Variants in KANK2 observed in about 807,000 individuals in gnomAD.
KANK2 encodes KN motif and ankyrin repeat domain-containing protein 2.
Under a neutral mutation model 74.6 loss-of-function variants are expected in KANK2, and 41 were observed. That is an observed-to-expected ratio of 0.55 (90% CI 0.43 to 0.71). The LOEUF (loss-of-function observed/expected upper bound fraction) is 0.71. Ranked by LOEUF, KANK2 falls within the 30% of genes least tolerant of loss-of-function variation. The pLI, the probability that KANK2 is intolerant of heterozygous loss-of-function variation, is 0.00. For synonymous variants in KANK2, 537 were observed against 519.0 expected (o/e 1.03, Z -0.47); for missense variants, 1,148 against 1,196.4 (o/e 0.96, Z 0.60).
intron 6 of KANK2, 88 bp from the exon 7 acceptor site, chr19:11,176,905 TC>T: frequency 1.4e-6 from 2 of 1,418,408 alleles, no homozygotes; most frequent in Non-Finnish European, 1.9e-6. Flanking sequence ...TGATCTGACC[TC>T]TGTGGGCCTC....
chr19:11,165,580 T>C lies in KANK2; in HGVS notation c.*978A>G, dbSNP rs11668313. The C allele has an allele frequency of 0.48, 72,107 of 151,536 alleles. 18,196 individuals carry two copies. The highest frequency in any genetic ancestry group is 0.63 in the African/African-American group (25,916 of 41,274). The allele number at this position is 151,536 out of a possible 1,614,324, so 9.4% of individuals were successfully genotyped here. ...TTCTGGGTAATTTGTCTCTTTTTCT[T>C]TTCTTTCTTGAGACAGGGTCTCGCT... On this transcript the variant is annotated 3_prime_UTR_variant, in exon 13 of 13. Transcript: ENST00000586659.
intron 3 of KANK2, 103 bp downstream of exon 3, chr19:11,194,372 C>T (rs1286970164): frequency 3.3e-6 from 3 of 905,980 alleles, no homozygotes; most frequent in South Asian, 2.8e-5. Context: ...AATTGTTGGG[C>T]TGTGTCCCAC....
At chr19:11,192,724 C>T (rs755890294) in intron 4 of KANK2, 107 bp downstream of exon 4, 54 of 1,404,384 alleles carry the variant, frequency 3.8e-5, no homozygotes, top group Admixed American at 5.3e-5. Context: ...CATGCGCCAC[C>T]GCACCCTGCC....
chr19:11,170,069 A>G lies in KANK2; in HGVS notation c.2391T>C (p.Cys797=). 1 of 1,613,664 alleles carries G rather than the reference A, an allele frequency of 6.2e-7. No homozygotes were observed. The highest frequency in any genetic ancestry group is 8.5e-7 in the Non-Finnish European group (1 of 1,179,744). Residue 797 remains cysteine (C), a synonymous_variant, in exon 11 of 13, where the codon TGT becomes TGC. Transcript: ENST00000586659. The surrounding 1 kb of genome is among the most constrained non-coding windows in gnomAD (Gnocchi z 5.2). ...TCACGCGATCTGTGAGTGAGATGTC[A>G]CAGCTGGGCACGGCCAGCAGCAGCC... The part of the protein sequence containing the change: ...IAGLLLAVPS[C]DISLTDRDGS...
rs1040690612 is a variant in KANK2, at chr19:11,172,925, G to A, written c.2211+56C>T. On this transcript the variant is annotated intron_variant, in intron 10 of 12. Transcript: ENST00000586659. ...TGGGTTTGGGCCTGTCACTCAGCTG[G>A]GATGTCATAAAGTAGGAAGAGCCAC... 4.0e-5 allele frequency: 64 copies of A among 1,581,904 alleles called. 1 individual carries two copies. In the South Asian group the frequency reaches 5.2e-4, roughly 13 times the overall value.
Position 11,194,043 on chromosome 19 carries a change from C to T in KANK2, c.38-1G>A. The T allele has an allele frequency of 1.3e-6, 2 of 1,599,552 alleles. No individual in the cohort carries two copies. The highest frequency in any genetic ancestry group is 1.7e-6 in the Non-Finnish European group (2 of 1,172,160). ...GGTGGGGAGGCTGGGCCAGGGGTCC[C>T]TGGGGATGGGAGAAACACCAGGACC... On this transcript the variant is annotated splice_acceptor_variant, in intron 3 of 12. Transcript: ENST00000586659. LOFTEE classifies it high-confidence loss of function.
In KANK2 at chr19:11,194,607, A is replaced by C; in HGVS notation, c.-79-17T>G. ...GAGGCTTACCTGGGGAAAGAGAACC[A>C]CGGCGCCGGGAGTTAGGAGTCTGTA... On this transcript the variant is annotated splice_polypyrimidine_tract_variant and intron_variant, in intron 2 of 12. Transcript: ENST00000586659. The C allele has an allele frequency of 2.0e-6, 2 of 989,108 alleles. No individual in the cohort carries two copies. The highest frequency in any genetic ancestry group is 2.4e-5 in the East Asian group (1 of 40,846). The allele number at this position is 989,108 out of a possible 1,614,324, so 61.3% of individuals were successfully genotyped here.
chr19:11,167,239 G>A (rs910054673), intron 12 of KANK2, among the ~76,000 whole-genome samples: 4 of 151,608 alleles, frequency 2.6e-5, no homozygotes, highest in East Asian at 2.0e-4. Context: ...CTAATTTTGC[G>A]TTTTTAGTAG....
At chr19:11,180,116 T>C (rs1163153470) in intron 4 of KANK2, among the ~76,000 whole-genome samples, 2 of 152,200 alleles carry the variant, frequency 1.3e-5, no homozygotes, top group East Asian at 3.9e-4. Flanking sequence ...CCTTCCAAAG[T>C]GCTGGGATTA....
chr19:11,194,220 C>CGGCGCTA lies in KANK2; in HGVS notation c.38-185_38-179dup, dbSNP rs2078950523. Among the ~76,000 whole-genome samples the CGGCGCTA allele has an allele frequency of 2.0e-5, 3 of 152,044 alleles. No individual in the cohort carries two copies. The South Asian group carries it at 6.2e-4, about 31-fold the overall frequency. On this transcript the variant is annotated intron_variant, in intron 3 of 12. Transcript: ENST00000586659. ...GGGCTATGCCTCCCCTTCAGACTCC[C>CGGCGCTA]GGCGCTAGGCTATGTCGCCTCTCAA...
chr19:11,166,486 A>C lies in KANK2; in HGVS notation c.*72T>G. Reference sequence around the variant, plus strand: ...TGTGAGTGGGGTGGGCCAGGGAGGAACGGGAACAGGGAGGAGACGGGGACA... The same window carrying C: ...TGTGAGTGGGGTGGGCCAGGGAGGACCGGGAACAGGGAGGAGACGGGGACA... On this transcript the variant is annotated 3_prime_UTR_variant, in exon 13 of 13. Transcript: ENST00000586659. 1 of 1,410,458 alleles carries C rather than the reference A, an allele frequency of 7.1e-7. No homozygotes were observed. The allele number at this position is 1,410,458 out of a possible 1,614,324, so 87.4% of individuals were successfully genotyped here.
rs1423559071 is a variant in KANK2 at position 11,164,580 on chromosome 19, G to C, written c.*1978C>G. ...CTCCAGGGCTGGACACACAGGCACAGAACTCTTGTACCGCTTCTCAAAGCT... is the reference window on the plus strand; with the variant it reads ...CTCCAGGGCTGGACACACAGGCACACAACTCTTGTACCGCTTCTCAAAGCT... On this transcript the variant is annotated 3_prime_UTR_variant, in exon 13 of 13. Coordinates refer to ENST00000586659, the MANE Select transcript of KANK2 (RefSeq NM_001136191.3). 6.6e-6 allele frequency: 1 copy of C among 152,142 alleles called. No homozygotes were observed. Among genetic ancestry groups the C allele is most frequent in the African/African-American group, 2.4e-5 (1 of 41,412 alleles). The allele number at this position is 152,142 out of a possible 1,614,324, so 9.4% of individuals were successfully genotyped here. A position where few individuals can be genotyped will look rare whatever the true frequency, so the allele number is the denominator to read the frequency against.
chr19:11,166,644 G>T, intron 12 of KANK2, 33 bp from the exon 13 acceptor site: 1 of 1,610,746 alleles, frequency 6.2e-7, no homozygotes, highest in South Asian at 1.1e-5. Context: ...TTTTTGTTTG[G>T]GATCCTTTCC....
At chr19:11,167,453 A>G (rs2078053427) in intron 12 of KANK2, among the ~76,000 whole-genome samples, 1 of 151,532 alleles carries the variant, frequency 6.6e-6, no homozygotes, top group East Asian at 1.9e-4. Context: ...AGCCTTGACT[A>G]TCTGGGCTCA....
chr19:11,194,420 G>A (rs1004214157), intron 3 of KANK2, 55 bp downstream of exon 3: 41 of 1,441,200 alleles, frequency 2.8e-5, no homozygotes, highest in Non-Finnish European at 3.9e-5. Flanking sequence ...AGCCCCCTCA[G>A]GCCTCCAGAA....
rs1468434386 is a variant in KANK2, at chr19:11,164,704, A to G, written c.*1854T>C. On this transcript the variant is annotated 3_prime_UTR_variant, in exon 13 of 13. Coordinates refer to ENST00000586659, the MANE Select transcript of KANK2 (RefSeq NM_001136191.3). ...TGCAATTTACATGCAAACACCATCT[A>G]TCTATTCATCCATCCATCCATCCAT... 2.2e-5 allele frequency: 3 copies of G among 134,576 alleles called. No individual in the cohort carries two copies. Among genetic ancestry groups the G allele is most frequent in the African/African-American group, 8.9e-5 (3 of 33,720 alleles). The allele number at this position is 134,576 out of a possible 1,614,324, so 8.3% of individuals were successfully genotyped here.
rs1441705371 is a variant in KANK2, at chr19:11,170,375, T to C, written c.2212-127A>G. The C allele has an allele frequency of 1.4e-6, 1 of 700,134 alleles. No individual in the cohort carries two copies. The highest frequency in any genetic ancestry group is 2.7e-5 in the East Asian group (1 of 36,712). 43.4% of individuals were successfully genotyped at this position (700,134 alleles called of 1,614,324 possible). ...ATGTACCCTCAACTTGCTGATCTCC[T>C]CCTGAATCTCAAACAACCCTCCCGT... On this transcript the variant is annotated intron_variant, in intron 10 of 12. Coordinates refer to ENST00000586659, the MANE Select transcript of KANK2 (RefSeq NM_001136191.3). This position sits in a 1 kb window ranked among gnomAD's most constrained non-coding sequence, Gnocchi z 5.2.
rs949048695 is a variant in KANK2 at position 11,193,534 on chromosome 19, G to A, written c.546C>T (p.Ala182=). 5.0e-6 allele frequency: 8 copies of A among 1,606,014 alleles called. No homozygotes were observed. The highest frequency in any genetic ancestry group is 2.2e-5 in the South Asian group (2 of 90,984). ...SGLSTPVPPS[A]GHLAHVREQM... ...GCTCCCGCACGTGGGCCAGGTGCCC[G>A]GCACTGGGAGGCACCGGTGTGGACA... The change falls in exon 4 of 13, where the codon GCC becomes GCT. Residue 182 remains alanine, a synonymous_variant. Coordinates refer to ENST00000586659, the MANE Select transcript of KANK2 (RefSeq NM_001136191.3). The surrounding 1 kb of genome is among the most constrained non-coding windows in gnomAD (Gnocchi z 9.6).
At chr19:11,189,535 C>CG (rs1339757362) in intron 4 of KANK2, among the ~76,000 whole-genome samples, 1 of 117,954 alleles carries the variant, frequency 8.5e-6, no homozygotes, top group Non-Finnish European at 1.6e-5. Context: ...ACTCGGGAGG[C>CG]GGGGGTTGCA....
Sources: allele counts gnomAD v4.1 joint callset (sites outside exome capture counted in the v4.1 genomes callset), GRCh38; gene constraint gnomAD v4.1.1; non-coding constraint Gnocchi (gnomAD v3.1); transcripts MANE v1.5; gene names NCBI Gene and HGNC (gene_info 2026-07-23, HGNC 2026-07-21).